The following STARD13 variants were observed in gnomAD, a reference collection of about 807,000 sequenced individuals.
STARD13 encodes the protein StAR related lipid transfer domain containing 13.
Under a neutral mutation model 106.4 loss-of-function variants are expected in STARD13, and 62 were observed. The ratio of observed to expected loss-of-function variants is 0.58; its 90% CI spans 0.48 to 0.72. STARD13 has a LOEUF of 0.72. Ranked by LOEUF, STARD13 falls within the 30% of genes least tolerant of loss-of-function variation. The pLI, the probability that STARD13 is intolerant of heterozygous loss-of-function variation, is 0.00. For synonymous variants in STARD13, 565 were observed against 553.0 expected (o/e 1.02, Z -0.31); for missense variants, 1,387 against 1,424.0 (o/e 0.97, Z 0.42).
chr13:33,627,420 C>T, the STARD13 span, among the ~76,000 whole-genome samples: 4,656 of 152,004 alleles, frequency 0.031, 77 homozygotes, highest in African/African-American at 0.05. Context: ...GGGTGGATCA[C>T]GAGGTCAGGA....
At chr13:33,251,747 G>A (rs1202108627) in intron 1 of STARD13, among the ~76,000 whole-genome samples, 1 of 152,152 alleles carries the variant, frequency 6.6e-6, no homozygotes, top group East Asian at 1.9e-4. Flanking sequence ...TCCCTTGATG[G>A]TAAGCTATAA....
At chr13:33,320,604 T>C (rs1331374076) in intron 1 of STARD13, among the ~76,000 whole-genome samples, 2 of 152,214 alleles carry the variant, frequency 1.3e-5, no homozygotes, top group African/African-American at 4.8e-5. Context: ...TTTTTCAAAA[T>C]ATACTTAGAT....
chr13:33,224,845 T>G (rs1220231719), intron 1 of STARD13, among the ~76,000 whole-genome samples: 1 of 152,188 alleles, frequency 6.6e-6, no homozygotes, highest in Admixed American at 6.5e-5. Context: ...CTTTGTACAT[T>G]TTCCTCTCGT....
At chr13:33,427,160 G>A in the STARD13 span, among the ~76,000 whole-genome samples, 3 of 152,040 alleles carry the variant, frequency 2.0e-5, no homozygotes, top group Non-Finnish European at 4.4e-5. Context: ...TGCCCAATAG[G>A]TGCGTTGTTA....
At chr13:33,141,435 A>G (rs924360353) in intron 4 of STARD13, among the ~76,000 whole-genome samples, 2 of 152,360 alleles carry the variant, frequency 1.3e-5, no homozygotes, top group African/African-American at 4.8e-5. Flanking sequence ...CATATTCAAT[A>G]AAGTACAGCT....
the STARD13 span, among the ~76,000 whole-genome samples, chr13:33,432,832 A>G: frequency 1.3e-5 from 2 of 152,234 alleles, no homozygotes; most frequent in African/African-American, 4.8e-5. Context: ...AAAAATAAAC[A>G]TTAACTAATC....
At chr13:33,236,750 C>G (rs375349978) in intron 1 of STARD13, among the ~76,000 whole-genome samples, 1 of 152,196 alleles carries the variant, frequency 6.6e-6, no homozygotes, top group Non-Finnish European at 1.5e-5. Context: ...CAATCCCTTG[C>G]GGACAGTGAG....
the STARD13 span, among the ~76,000 whole-genome samples, chr13:33,620,547 T>C: frequency 6.6e-6 from 1 of 152,138 alleles, no homozygotes; most frequent in South Asian, 2.1e-4. Context: ...CCTCTGAAAG[T>C]GCTGAGATTA....
chr13:33,645,180 C>T, the STARD13 span, among the ~76,000 whole-genome samples: 1 of 152,150 alleles, frequency 6.6e-6, no homozygotes, highest in Non-Finnish European at 1.5e-5. Flanking sequence ...GGTGGGTGAT[C>T]TACAAGCCTC....
intron 1 of STARD13, among the ~76,000 whole-genome samples, chr13:33,208,969 C>T (rs998565135): frequency 6.6e-6 from 1 of 152,118 alleles, no homozygotes; most frequent in African/African-American, 2.4e-5. Flanking sequence ...CTTTTGCAGC[C>T]GTTTAAAATA....
the STARD13 span, among the ~76,000 whole-genome samples, chr13:33,506,538 G>C: frequency 6.6e-6 from 1 of 152,118 alleles, no homozygotes; most frequent in Non-Finnish European, 1.5e-5. Context: ...GATCCAAATG[G>C]ATGTGATATT....
At chr13:33,150,381 G>C (rs531885271) in intron 3 of STARD13, among the ~76,000 whole-genome samples, 6 of 152,280 alleles carry the variant, frequency 3.9e-5, no homozygotes, top group African/African-American at 1.4e-4. Flanking sequence ...GACAACACTA[G>C]GGACCACTTG....
intron 1 of STARD13, among the ~76,000 whole-genome samples, chr13:33,335,445 C>T (rs1301589113): frequency 3.9e-5 from 6 of 152,144 alleles, no homozygotes; most frequent in Non-Finnish European, 5.9e-5. Context: ...TGATGCCTTC[C>T]TAAGTGCTAG....
At chr13:33,502,821 T>C in the STARD13 span, among the ~76,000 whole-genome samples, 3 of 152,236 alleles carry the variant, frequency 2.0e-5, no homozygotes, top group Non-Finnish European at 4.4e-5. Flanking sequence ...TCAATGTTCA[T>C]CAGGGATATT....
chr13:33,524,939 A>G, the STARD13 span, among the ~76,000 whole-genome samples: 1 of 152,108 alleles, frequency 6.6e-6, no homozygotes, highest in Non-Finnish European at 1.5e-5. Context: ...TGTGCAGTAC[A>G]TCTCCTGAAT....
the STARD13 span, among the ~76,000 whole-genome samples, chr13:33,581,701 G>T: frequency 6.6e-6 from 1 of 152,238 alleles, no homozygotes; most frequent in East Asian, 1.9e-4. Context: ...CAAGGCAAAG[G>T]TGATAACAAA....
At chr13:33,531,305 C>T in the STARD13 span, among the ~76,000 whole-genome samples, 19 of 152,280 alleles carry the variant, frequency 1.2e-4, no homozygotes, top group Admixed American at 2.6e-4. Context: ...GACAAATATA[C>T]TTATCATGCT....
the STARD13 span, among the ~76,000 whole-genome samples, chr13:33,375,776 A>G: frequency 6.6e-6 from 1 of 152,130 alleles, no homozygotes; most frequent in Non-Finnish European, 1.5e-5. Context: ...ACTACAATTC[A>G]AAATGAATTC....
intron 3 of STARD13, among the ~76,000 whole-genome samples, chr13:33,147,200 A>T (rs1880661392): frequency 6.6e-6 from 1 of 152,256 alleles, no homozygotes; most frequent in Non-Finnish European, 1.5e-5. Flanking sequence ...CTTAAAAAGA[A>T]TATCTGGGAG....
Sources: gnomAD v4.1 joint callset for allele counts (sites outside exome capture counted in the v4.1 genomes callset) on GRCh38, gnomAD v4.1.1 for gene constraint, MANE v1.5 for transcripts, NCBI Gene and HGNC (gene_info 2026-07-23, HGNC 2026-07-21) for gene names.